The following KDM5C variants were observed in gnomAD, a reference collection of about 807,000 sequenced individuals.
The protein encoded by KDM5C is lysine demethylase 5C.
KDM5C carries 16 observed loss-of-function variants against 110.6 expected under a neutral mutation model. That is an observed-to-expected ratio of 0.14 (90% CI 0.10 to 0.22). The LOEUF (loss-of-function observed/expected upper bound fraction) is 0.22. KDM5C is among the 10% of genes least tolerant of loss of function. The pLI is 1.00. For synonymous variants in KDM5C, 511 were observed against 520.4 expected, an observed-to-expected ratio of 0.98 and a Z score of 0.24; for missense variants, 681 against 1,300.9, an observed-to-expected ratio of 0.52 and a Z score of 7.33.
At chrX:53,206,690 C>T (rs951424284) in intron 12 of KDM5C, among the ~76,000 whole-genome samples, 8 of 107,364 alleles carry the variant, frequency 7.5e-5, no homozygotes, top group Admixed American at 3.0e-4. Context: ...ATGGTACAAC[C>T]CCGTCTCTAC....
Position 53,217,893 on chromosome X carries a change from T to C in KDM5C, c.425A>G (p.Asn142Ser), listed in dbSNP as rs377166019. 3 of 1,209,328 alleles carry C rather than the reference T, an allele frequency of 2.5e-6. No homozygotes were observed. Among genetic ancestry groups the C allele is most frequent in the African/African-American group, 3.5e-5 (2 of 57,099 alleles). The change falls in exon 4 of 26, where the codon AAC (asparagine) becomes AGC (serine). Residue 142 changes from asparagine to serine, a missense_variant. Physicochemically the swap from Asn to Ser is conservative, Grantham distance 46. Transcript: ENST00000375401. ...GCCAATATTTTTGCCTGGTGGATAG[T>C]TGAGGCGCTGGGCTACCCGAGCCCA... The part of the protein sequence containing the change: ...RRWARVAQRL[N>S]YPPGKNIGSL...
rs145144460 is a variant in KDM5C, at chrX:53,177,814, G to A, written c.4309-1192C>T. Among the ~76,000 whole-genome samples the A allele has an allele frequency of 2.1e-4, 24 of 111,906 alleles. No individual in the cohort carries two copies. In the East Asian group the frequency reaches 6.7e-3, roughly 31 times the overall value. Reference sequence around the variant, plus strand: ...AGGTCTACTTGTACACGTCTTTCTGGTCTGTTCTAATGTACTCTTTGCTTT... The same window carrying A: ...AGGTCTACTTGTACACGTCTTTCTGATCTGTTCTAATGTACTCTTTGCTTT... On this transcript the variant is annotated intron_variant, in intron 25 of 25. Transcript: ENST00000685641.
At position 53,220,819 on chromosome X, in the gene KDM5C, C is replaced by A. The variant is rs782632680; in HGVS notation, c.228+20G>T. On this transcript the variant is annotated intron_variant, in intron 2 of 25. Transcript: ENST00000375401. ...GGTATACATTCTCCCAACCCCACCA[C>A]CAGCTCCTAGTCTTCTCACCTCTAG... 21 of 1,185,402 alleles carry A rather than the reference C, an allele frequency of 1.8e-5. No individual in the cohort carries two copies. Among genetic ancestry groups the A allele is most frequent in the Non-Finnish European group, 2.4e-5 (21 of 872,293 alleles).
chrX:53,179,860 GAAGA>G (rs1933986431), intron 25 of KDM5C, among the ~76,000 whole-genome samples: 1 of 111,876 alleles, frequency 8.9e-6, no homozygotes, highest in African/African-American at 3.3e-5. Context: ...AGCCACTTTG[GAAGA>G]CAGTTTGGTA....
chrX:53,194,655 T>G lies in KDM5C; in HGVS notation c.3522A>C (p.Pro1174=). ...AGGAGGCCGTGCTCGATGATGCCAG[T>G]GGACTGGGCTTGGCCGAATTGGTGC... ...LRRTNSAKPS[P]LASSSTASST... Residue 1174 remains proline (P), a synonymous_variant, in exon 23 of 26, where the codon CCA becomes CCC. Coordinates refer to ENST00000375401, the MANE Select transcript of KDM5C (RefSeq NM_004187.5). 1 of 1,211,900 alleles carries G rather than the reference T, an allele frequency of 8.3e-7. No homozygotes were observed. Among genetic ancestry groups the G allele is most frequent in the Non-Finnish European group, 1.1e-6 (1 of 895,466 alleles).
In KDM5C at chrX:53,194,367, C is replaced by T. The variant is rs1934663862; in HGVS notation, c.3810G>A (p.Val1270=). The T allele has an allele frequency of 1.7e-6, 2 of 1,212,055 alleles. No individual in the cohort carries two copies. Among genetic ancestry groups the T allele is most frequent in the Non-Finnish European group, 2.2e-6 (2 of 895,394 alleles). The change falls in exon 23 of 26, where the codon GTG becomes GTA. Residue 1270 remains valine (V), a synonymous_variant. Coordinates refer to ENST00000375401, the MANE Select transcript of KDM5C (RefSeq NM_004187.5). ...ALLVALQRLP[V]RLPEGEALQC... ...GCAGGGCCTCGCCCTCGGGCAGCCG[C>T]ACAGGCAGTCTCTGCAGGGCTACCA... is the stretch of plus-strand genomic sequence containing the variant.
At chrX:53,189,969 C>T (rs782382398), downstream of KDM5C, among the ~76,000 whole-genome samples, 2 of 112,816 alleles carry the variant, frequency 1.8e-5, no homozygotes, top group Admixed American at 9.3e-5. Context: ...CTCTTTCCAT[C>T]CCCTTGTCAC....
rs1934732272 is a variant in KDM5C at position 53,195,072 on chromosome X, G to C, written c.3301-4C>G. 3 of 1,207,955 alleles carry C rather than the reference G, an allele frequency of 2.5e-6. No homozygotes were observed. The highest frequency in any genetic ancestry group is 3.4e-6 in the Non-Finnish European group (3 of 893,686). ...CATCTGCACATGGGCAGAGAACCTG[G>C]GGCAGGCAGACAAGAGAGGGAATGA... On this transcript the variant is annotated splice_polypyrimidine_tract_variant and splice_region_variant and intron_variant, in intron 21 of 25. Transcript: ENST00000375401.
downstream of KDM5C, among the ~76,000 whole-genome samples, chrX:53,188,936 G>A (rs1169529817): frequency 1.8e-5 from 2 of 111,399 alleles, no homozygotes; most frequent in African/African-American, 6.5e-5. Context: ...ACATGAGTCA[G>A]CTTGAAAGCA....
Position 53,196,849 on chromosome X carries a change from G to A in KDM5C, c.2818C>T (p.Pro940Ser), listed in dbSNP as rs782663931. 8 of 1,207,889 alleles carry A rather than the reference G, an allele frequency of 6.6e-6. No homozygotes were observed. The South Asian group carries it at 1.4e-4, about 21-fold the overall frequency. ...WLDEVKRTLA[P>S]SARRGTLAVM... ...GCCAAGGTGCCCCTTCGGGCTGAGG[G>A]GGCCAGTGTGCGTTTCACCTCATCC... The change falls in exon 19 of 26, where the codon CCC (proline) becomes TCC (serine). Residue 940 changes from proline (P) to serine (S), a missense_variant. By Grantham distance (74) the Pro-to-Ser change is moderately conservative (BLOSUM62 -1). Transcript: ENST00000375401.
intron 25 of KDM5C, among the ~76,000 whole-genome samples, chrX:53,181,675 CAAAAAAAAAAAAAA>C (rs60649092): frequency 3.8e-5 from 2 of 52,641 alleles, no homozygotes; most frequent in East Asian, 6.9e-4. Flanking sequence ...GACCATGTCT[CAAAAAAAAAAAAAA>C]AAAAAAAAAA....
chrX:53,214,659 T>C (rs782522833), intron 8 of KDM5C, 30 bp downstream of exon 8: 1 of 1,192,323 alleles, frequency 8.4e-7, no homozygotes, highest in Non-Finnish European at 1.1e-6. Flanking sequence ...GGAAGCCCTA[T>C]GAGGCAGATG....
At chrX:53,199,274 T>G (rs1272530055) in intron 14 of KDM5C, 116 bp from the exon 15 acceptor site, 2 of 762,327 alleles carry the variant, frequency 2.6e-6, no homozygotes, top group Non-Finnish European at 4.0e-6. Context: ...GTCATGGGGT[T>G]TAAGAGGCCA....
chrX:53,221,671 G>A (rs782673128), intron 1 of KDM5C: 3 of 847,652 alleles, frequency 3.5e-6, no homozygotes, highest in African/African-American at 2.1e-5. Context: ...CAGGGAGCAA[G>A]TATGTGTATC....
rs185920002 is a variant in KDM5C at position 53,195,194 on chromosome X, G to A, written c.3300+37C>T. 8.5e-4 allele frequency: 1,006 copies of A among 1,182,317 alleles called. 6 individuals carry two copies. In the African/African-American group the frequency reaches 0.016, roughly 19 times the overall value. On this transcript the variant is annotated intron_variant, in intron 21 of 25. Transcript: ENST00000375401. ...CCATCTCACAGAAGCCAGGGCAGGC[G>A]TTAAGAGACGCTGTAGGTCAAGGTC...
chrX:53,197,882 A>G lies in KDM5C; in HGVS notation c.2517-6T>C. The G allele has an allele frequency of 8.6e-7, 1 of 1,163,182 alleles. No homozygotes were observed. The highest frequency in any genetic ancestry group is 1.2e-6 in the Non-Finnish European group (1 of 862,508). ...GACCAGCCACCCTGTGGGGGCTATG[A>G]AGTATCACATGTGAGGTTTCAGGTC... On this transcript the variant is annotated splice_region_variant and splice_polypyrimidine_tract_variant and intron_variant, in intron 17 of 25. Transcript: ENST00000375401.
chrX:53,224,894 G>A lies in KDM5C; in HGVS notation c.-5C>T. ...ATCGTCGGACCCCGGCTCCATGGTG[G>A]GCCCGAGGTCTGGGCCAGGGATCGG... On this transcript the variant is annotated 5_prime_UTR_variant, in exon 1 of 26. Transcript: ENST00000375401. 1 of 1,203,800 alleles carries A rather than the reference G, an allele frequency of 8.3e-7. No individual in the cohort carries two copies.
chrX:53,194,752 G>C lies in KDM5C; in HGVS notation c.3439-14C>G. The C allele has an allele frequency of 8.3e-7, 1 of 1,209,908 alleles. No individual in the cohort carries two copies. Among genetic ancestry groups the C allele is most frequent in the Non-Finnish European group, 1.1e-6 (1 of 894,956 alleles). ...GAAGGCCACGATCTGCCATACCCAG[G>C]ACAGGAGCAAAGTGGGTCAGCAGCC... On this transcript the variant is annotated splice_polypyrimidine_tract_variant and intron_variant, in intron 22 of 25. Transcript: ENST00000375401.
Position 53,214,292 on chromosome X carries a change from C to A in KDM5C, c.1122+397G>T, listed in dbSNP as rs376061762. ...CTAAAAAAGAAAAAAAAAAACAAAA[C>A]AAAAACTCAGAAATTGAAAGAACAT... On this transcript the variant is annotated intron_variant, in intron 8 of 25. Coordinates refer to ENST00000375401, the MANE Select transcript of KDM5C (RefSeq NM_004187.5). The A allele has an allele frequency of 2.6e-3, 348 of 133,893 alleles. 2 individuals carry two copies. The highest frequency in any genetic ancestry group is 0.011 in the African/African-American group (323 of 30,758). 11.0% of individuals were successfully genotyped at this position (133,893 alleles called of 1,213,427 possible). A position where few individuals can be genotyped will look rare whatever the true frequency, so the allele number is the denominator to read the frequency against.
Sources: allele counts gnomAD v4.1 joint callset (sites outside exome capture counted in the v4.1 genomes callset), GRCh38; gene constraint gnomAD v4.1.1; transcripts MANE v1.5; gene names NCBI Gene and HGNC (gene_info 2026-07-23, HGNC 2026-07-21).